The following SNX8 variants were observed in gnomAD, a reference collection of about 807,000 sequenced individuals.
SNX8 encodes sorting nexin-8.
A neutral mutation model predicts 51.6 loss-of-function variants in SNX8; 25 were observed. The observed-to-expected ratio is 0.48, with a 90% CI of 0.35 to 0.68. The LOEUF is 0.68. Ranked by LOEUF, SNX8 falls within the 30% of genes least tolerant of loss-of-function variation. The pLI is 0.00. For synonymous variants in SNX8, 324 were observed against 277.0 expected (o/e 1.17, Z -1.68); for missense variants, 695 against 624.0 (o/e 1.11, Z -1.21).
intron 1 of SNX8, among the ~76,000 whole-genome samples, chr7:2,346,125 A>C (rs569387371): frequency 6.6e-6 from 1 of 152,110 alleles, no homozygotes; most frequent in Non-Finnish European, 1.5e-5. Flanking sequence ...ATAATAGCAT[A>C]TGGGTCTACT....
intron 1 of SNX8, among the ~76,000 whole-genome samples, chr7:2,323,555 C>A (rs1778572768): frequency 6.6e-6 from 1 of 152,072 alleles, no homozygotes. Context: ...CACCATCCTG[C>A]ATTTCTGCCA....
chr7:2,353,171 C>T (rs907586865), intron 1 of SNX8, among the ~76,000 whole-genome samples: 3 of 152,028 alleles, frequency 2.0e-5, no homozygotes, highest in Non-Finnish European at 2.9e-5. Context: ...TACCTTCAGT[C>T]CCAAGTACTT....
chr7:2,303,101 G>A (rs1255650700), intron 1 of SNX8, among the ~76,000 whole-genome samples: 146 of 143,652 alleles, frequency 1.0e-3, no homozygotes, highest in Non-Finnish European at 2.0e-3. Context: ...GTCCGGGAGG[G>A]AGGTGGGGGG....
intron 1 of SNX8, among the ~76,000 whole-genome samples, chr7:2,283,924 T>C (rs1033751043): frequency 6.6e-6 from 1 of 152,188 alleles, no homozygotes; most frequent in African/African-American, 2.4e-5. Context: ...ACCTCCCGAG[T>C]AGCTGGGATT....
At chr7:2,272,961 G>A (rs1470478513) in intron 3 of SNX8, among the ~76,000 whole-genome samples, 1 of 151,276 alleles carries the variant, frequency 6.6e-6, no homozygotes, top group Admixed American at 6.6e-5. Flanking sequence ...AGCCTCCCAA[G>A]TAGCTGGGAT....
intron 1 of SNX8, among the ~76,000 whole-genome samples, chr7:2,308,117 AC>A (rs1338279986): frequency 6.6e-6 from 1 of 152,106 alleles, no homozygotes; most frequent in Non-Finnish European, 1.5e-5. Flanking sequence ...CAGTAACAAA[AC>A]ATATTTGCAG....
chr7:2,329,198 G>A (rs982688934), intron 1 of SNX8, among the ~76,000 whole-genome samples: 39 of 151,714 alleles, frequency 2.6e-4, no homozygotes, highest in Admixed American at 6.6e-4. Flanking sequence ...TTGAACCCAG[G>A]AGGCGGAGGT....
At chr7:2,281,512 G>A (rs934771427) in intron 1 of SNX8, among the ~76,000 whole-genome samples, 10 of 151,996 alleles carry the variant, frequency 6.6e-5, no homozygotes, top group Non-Finnish European at 1.2e-4. Context: ...GAAACACCAG[G>A]AGGAGGAGCC....
At chr7:2,264,757 C>A (rs1403225542) in intron 5 of SNX8, among the ~76,000 whole-genome samples, 1 of 152,188 alleles carries the variant, frequency 6.6e-6, no homozygotes, top group Non-Finnish European at 1.5e-5. Flanking sequence ...CAAATAAGGC[C>A]AGGGGCAGTC....
rs563844265 is a variant in SNX8 at position 2,277,229 on chromosome 7, C to G, written c.300+871G>C. On this transcript the variant is annotated intron_variant, in intron 2 of 10. Transcript: ENST00000222990. ...GGAACTGAGACAACGAAGCAAGGGA[C>G]AGAGAGAGCCACGGTGTTGCTCCAG... Among the ~76,000 whole-genome samples the G allele has an allele frequency of 3.2e-4, 48 of 152,334 alleles. 2 individuals carry two copies. The South Asian group carries it at 8.7e-3, about 28-fold the overall frequency.
chr7:2,318,086 C>G (rs1391830818), upstream of SNX8, among the ~76,000 whole-genome samples: 1 of 152,054 alleles, frequency 6.6e-6, no homozygotes, highest in East Asian at 1.9e-4. Context: ...TGCTGTGTTG[C>G]CCAGGCTGGA....
In SNX8 at chr7:2,252,711, G is replaced by C. The variant is rs1795069858; in HGVS notation, c.*2345C>G. 1 of 119,078 alleles carries C rather than the reference G, an allele frequency of 8.4e-6. No individual in the cohort carries two copies. Among genetic ancestry groups the C allele is most frequent in the South Asian group, 3.1e-4 (1 of 3,230 alleles). The allele number at this position is 119,078 out of a possible 1,614,324, so 7.4% of individuals were successfully genotyped here. The stretch of plus-strand genomic sequence containing the variant: ...CCTGCCTTCCCACCCCTGCCCTCTT[G>C]CTCTCCTCACCCCTGCCCTCTTGCT... On this transcript the variant is annotated 3_prime_UTR_variant, in exon 11 of 11. Coordinates refer to ENST00000222990, the MANE Select transcript of SNX8 (RefSeq NM_013321.4).
chr7:2,273,447 G>C (rs149961492), intron 3 of SNX8, among the ~76,000 whole-genome samples: 7 of 151,772 alleles, frequency 4.6e-5, no homozygotes, highest in Admixed American at 3.9e-4. Context: ...TTAGCCAGGC[G>C]TGGTGGCGGG....
At chr7:2,259,771 G>A (rs1562421674) in intron 7 of SNX8, among the ~76,000 whole-genome samples, 1 of 152,180 alleles carries the variant, frequency 6.6e-6, no homozygotes, top group Non-Finnish European at 1.5e-5. Context: ...TCAGGAGAAT[G>A]TAGGCTTATT....
chr7:2,272,586 C>T (rs1414850053), intron 3 of SNX8, among the ~76,000 whole-genome samples: 1 of 151,522 alleles, frequency 6.6e-6, no homozygotes, highest in Non-Finnish European at 1.5e-5. Context: ...ATGTTGGTCA[C>T]GCTGGTCTCC....
intron 1 of SNX8, among the ~76,000 whole-genome samples, chr7:2,308,395 C>T (rs1796592018): frequency 1.3e-5 from 2 of 151,942 alleles, no homozygotes; most frequent in Non-Finnish European, 1.5e-5. Flanking sequence ...TGGCCAGTCA[C>T]GGTGGCTCAC....
At chr7:2,265,047 C>T (rs976076460) in intron 5 of SNX8, among the ~76,000 whole-genome samples, 34 of 151,846 alleles carry the variant, frequency 2.2e-4, no homozygotes, top group African/African-American at 8.2e-4. Flanking sequence ...AACAAACAAA[C>T]CAACAAAACA....
upstream of SNX8, among the ~76,000 whole-genome samples, chr7:2,317,767 C>G (rs1796780041): frequency 6.6e-6 from 1 of 152,152 alleles, no homozygotes; most frequent in Admixed American, 6.6e-5. Flanking sequence ...TCCCCGCACA[C>G]CAGGACCTCC....
chr7:2,287,627 T>C (rs1291160713), intron 1 of SNX8, among the ~76,000 whole-genome samples: 1 of 151,942 alleles, frequency 6.6e-6, no homozygotes, highest in African/African-American at 2.4e-5. Context: ...GGCGGGCACC[T>C]ATAGTCCCAG....
Sources: gnomAD v4.1 joint callset for allele counts (sites outside exome capture counted in the v4.1 genomes callset) on GRCh38, gnomAD v4.1.1 for gene constraint, MANE v1.5 for transcripts, NCBI Gene and HGNC (gene_info 2026-07-23, HGNC 2026-07-21) for gene names.